Variants in ZNF678 observed in about 807,000 individuals in gnomAD.
ZNF678 encodes zinc finger protein 678, also known as hypothetical protein MGC42493.
A neutral mutation model predicts 3.0 loss-of-function variants in ZNF678; 5 were observed. The ratio of observed to expected loss-of-function variants is 1.69; its 90% CI spans 0.88 to 3.56. The LOEUF (loss-of-function observed/expected upper bound fraction) is 3.56. Among genes scored for constraint, ZNF678 ranks in the 30% most tolerant of loss-of-function variants. ZNF678 has a pLI of 0.00. For synonymous variants in ZNF678, 218 were observed against 199.6 expected, an observed-to-expected ratio of 1.09 and a Z score of -0.78; for missense variants, 593 against 605.0, an observed-to-expected ratio of 0.98 and a Z score of 0.21.
chr1:227,658,021 A>C lies in ZNF678; in HGVS notation c.*2193A>C, dbSNP rs1441484252. The C allele has an allele frequency of 1.3e-5, 2 of 152,028 alleles. No individual in the cohort carries two copies. Among genetic ancestry groups the C allele is most frequent in the East Asian group, 3.8e-4 (2 of 5,198 alleles). The allele number at this position is 152,028 out of a possible 1,614,324, so 9.4% of individuals were successfully genotyped here. A position where few individuals can be genotyped will look rare whatever the true frequency, so the allele number is the denominator to read the frequency against. ...TTCTCTATATTCCTGAGAAATTCTA[A>C]GAATAACTTTCATAAAATGTATTGA... On this transcript the variant is annotated 3_prime_UTR_variant, in exon 4 of 4. Coordinates refer to ENST00000343776, the MANE Select transcript of ZNF678 (RefSeq NM_001367909.1).
At chr1:227,597,878 A>AT (rs1314458952) in intron 1 of ZNF678, among the ~76,000 whole-genome samples, 1 of 152,234 alleles carries the variant, frequency 6.6e-6, no homozygotes, top group African/African-American at 2.4e-5. Flanking sequence ...ACAATACAGG[A>AT]TGTGTGAGGA....
intron 1 of ZNF678, among the ~76,000 whole-genome samples, chr1:227,564,762 C>T (rs1347745973): frequency 5.9e-5 from 9 of 152,176 alleles, no homozygotes; most frequent in Admixed American, 2.6e-4. Flanking sequence ...GAAGGAGTCT[C>T]GCTCTGTAGC....
Position 227,659,095 on chromosome 1 carries a change from A to G in ZNF678, c.*3267A>G, listed in dbSNP as rs1408243796. On this transcript the variant is annotated 3_prime_UTR_variant, in exon 4 of 4. Coordinates refer to ENST00000343776, the MANE Select transcript of ZNF678 (RefSeq NM_001367909.1). ...GTTTTTAGTGTTTATGTAATATATTAGACAATAATAAACATTTACATTTAT... is the reference window on the plus strand; with the variant it reads ...GTTTTTAGTGTTTATGTAATATATTGGACAATAATAAACATTTACATTTAT... 1 of 152,098 alleles carries G rather than the reference A, an allele frequency of 6.6e-6. No individual in the cohort carries two copies. The highest frequency in any genetic ancestry group is 2.4e-5 in the African/African-American group (1 of 41,442). The allele number at this position is 152,098 out of a possible 1,614,324, so 9.4% of individuals were successfully genotyped here.
downstream of ZNF678, among the ~76,000 whole-genome samples, chr1:227,664,424 C>T (rs1659467276): frequency 1.3e-5 from 2 of 152,078 alleles, no homozygotes; most frequent in South Asian, 4.2e-4. Context: ...TTCCCCAACA[C>T]ACGGTGTCAG....
rs1658748991 is a variant in ZNF678, at chr1:227,638,987, T to C, written c.-163-7557T>C. On this transcript the variant is annotated intron_variant, in intron 1 of 3. Coordinates refer to ENST00000343776, the MANE Select transcript of ZNF678 (RefSeq NM_001367909.1). The surrounding 1 kb of genome is among the most constrained non-coding windows in gnomAD (Gnocchi z 4.2). ...CCACTTGGCTCGGATGAAGCGATGGTAGTTGCCAGGGTGTCCTTTCCAGGG... is the reference window on the plus strand; with the variant it reads ...CCACTTGGCTCGGATGAAGCGATGGCAGTTGCCAGGGTGTCCTTTCCAGGG... Among the ~76,000 whole-genome samples the C allele has an allele frequency of 6.6e-6, 1 of 152,152 alleles. No homozygotes were observed. Among genetic ancestry groups the C allele is most frequent in the African/African-American group, 2.4e-5 (1 of 41,422 alleles).
chr1:227,581,436 C>T (rs1460945761), intron 1 of ZNF678, among the ~76,000 whole-genome samples: 1 of 152,118 alleles, frequency 6.6e-6, no homozygotes, highest in Non-Finnish European at 1.5e-5. Flanking sequence ...TAGATGCCCT[C>T]TTGTAGTTTC....
intron 2 of ZNF678, among the ~76,000 whole-genome samples, chr1:227,648,799 T>C (rs2102799203): frequency 6.6e-6 from 1 of 151,844 alleles, no homozygotes; most frequent in East Asian, 1.9e-4. Context: ...GCCATTGCAC[T>C]CCATCCTGGG....
At chr1:227,623,041 C>T (rs1343952083) in intron 1 of ZNF678, among the ~76,000 whole-genome samples, 3 of 152,234 alleles carry the variant, frequency 2.0e-5, no homozygotes, top group Non-Finnish European at 4.4e-5. Context: ...GAACCAGCCC[C>T]TCTATGTACT....
Position 227,660,815 on chromosome 1 carries a change from T to C in ZNF678, c.*4987T>C, listed in dbSNP as rs1275585280. ...AAAAAGGCTTACAACTTTTGAAGGT[T>C]TAGCATGATGTCAGATGTCCATTTG... On this transcript the variant is annotated 3_prime_UTR_variant, in exon 4 of 4. Transcript: ENST00000343776. 6.6e-6 allele frequency: 1 copy of C among 152,208 alleles called. No individual in the cohort carries two copies. Among genetic ancestry groups the C allele is most frequent in the Non-Finnish European group, 1.5e-5 (1 of 68,022 alleles). 9.4% of individuals were successfully genotyped at this position (152,208 alleles called of 1,614,324 possible).
rs1339298545 is a variant in ZNF678, at chr1:227,565,352, C to G, written c.-164+1628C>G. Among the ~76,000 whole-genome samples the G allele has an allele frequency of 5.3e-5, 8 of 152,250 alleles. No homozygotes were observed. The East Asian group carries it at 1.5e-3, about 29-fold the overall frequency. The stretch of plus-strand genomic sequence containing the variant: ...GCGTTGGGATTACAGGGGCGAGCCA[C>G]CACGCCTGACTTGTTGTTTTTAAGA... On this transcript the variant is annotated intron_variant, in intron 1 of 3. Transcript: ENST00000343776.
intron 5 of ZNF678, among the ~76,000 whole-genome samples, chr1:227,669,937 A>C (rs1212135960): frequency 1.3e-5 from 2 of 152,246 alleles, no homozygotes; most frequent in Non-Finnish European, 2.9e-5. Context: ...GTAGCAGAGA[A>C]GTGGAATCAA....
chr1:227,629,903 C>A (rs1251899922), intron 1 of ZNF678, among the ~76,000 whole-genome samples: 1 of 151,972 alleles, frequency 6.6e-6, no homozygotes, highest in African/African-American at 2.4e-5. Context: ...TCCAGAGCCA[C>A]CAAAGTCCAC....
At chr1:227,600,420 C>T (rs948591493) in intron 1 of ZNF678, among the ~76,000 whole-genome samples, 1 of 152,182 alleles carries the variant, frequency 6.6e-6, no homozygotes, top group African/African-American at 2.4e-5. Context: ...AATTTACAGT[C>T]CTACCAACAG....
chr1:227,613,707 C>T (rs942994628), intron 1 of ZNF678, among the ~76,000 whole-genome samples: 8 of 152,138 alleles, frequency 5.3e-5, no homozygotes, highest in African/African-American at 1.9e-4. Flanking sequence ...CATTCAGGGC[C>T]TCATCTTTGA....
In ZNF678 at chr1:227,611,510, T is replaced by C. The variant is rs16847997; in HGVS notation, c.-163-35034T>C. Among the ~76,000 whole-genome samples, 1,115 of 152,332 alleles carry C rather than the reference T, an allele frequency of 7.3e-3. 10 individuals are homozygous for C. Among genetic ancestry groups the C allele is most frequent in the African/African-American group, 0.025 (1,038 of 41,568 alleles). ...CACATTGATCACCTCTAATGCGTTC[T>C]AAGATGCATTTATCAGGCCACTCAC... On this transcript the variant is annotated intron_variant, in intron 1 of 3. Transcript: ENST00000343776.
At chr1:227,652,849 C>T (rs868707781) in intron 3 of ZNF678, among the ~76,000 whole-genome samples, 12 of 152,020 alleles carry the variant, frequency 7.9e-5, no homozygotes, top group Non-Finnish European at 1.5e-4. Flanking sequence ...GTACATCTTT[C>T]CCAGACAGTT....
At chr1:227,647,235 C>T (rs1658981458) in intron 2 of ZNF678, among the ~76,000 whole-genome samples, 1 of 152,142 alleles carries the variant, frequency 6.6e-6, no homozygotes, top group Admixed American at 6.5e-5. Flanking sequence ...CCAGCTTGGG[C>T]AACAAAAGCA....
rs3010189 is a variant in ZNF678 at position 227,619,955 on chromosome 1, A to G, written c.-163-26589A>G. 8.8e-3 allele frequency among the ~76,000 whole-genome samples: 1,342 copies of G among 152,294 alleles called. 22 individuals carry two copies. Among genetic ancestry groups the G allele is most frequent in the African/African-American group, 0.031 (1,286 of 41,556 alleles). On this transcript the variant is annotated intron_variant, in intron 1 of 3. Coordinates refer to ENST00000343776, the MANE Select transcript of ZNF678 (RefSeq NM_001367909.1). The stretch of plus-strand genomic sequence containing the variant: ...ATTGATTTTTTTCAGCAAACCCCAC[A>G]CATTTGATGCCCGAGGTGTTTTCAG...
chr1:227,640,432 T>G (rs1658791374), intron 1 of ZNF678, among the ~76,000 whole-genome samples: 1 of 149,180 alleles, frequency 6.7e-6, no homozygotes, highest in Non-Finnish European at 1.5e-5. Context: ...GAAAAAGAGG[T>G]AGGGTTGGGA....
Sources: allele counts gnomAD v4.1 joint callset (sites outside exome capture counted in the v4.1 genomes callset), GRCh38; gene constraint gnomAD v4.1.1; non-coding constraint Gnocchi (gnomAD v3.1); transcripts MANE v1.5; gene names NCBI Gene and HGNC (gene_info 2026-07-23, HGNC 2026-07-21).